The following FAT3 variants were observed in gnomAD, a reference collection of about 807,000 sequenced individuals.
FAT3 encodes the protein protocadherin Fat 3.
In FAT3, 95 loss-of-function variants were observed where a neutral mutation model predicts 310.2. That is an observed-to-expected ratio of 0.31 (90% CI 0.26 to 0.36). The LOEUF is 0.36. Among genes scored for constraint, FAT3 ranks in the 10% least tolerant of loss-of-function variants. The pLI, the probability that FAT3 is intolerant of heterozygous loss-of-function variation, is 1.00. For missense variants in FAT3, 5,408 were observed against 5,715.6 expected (o/e 0.95, Z 1.74); for synonymous variants, 2,314 against 2,192.9 (o/e 1.06, Z -1.54).
intron 1 of FAT3, among the ~76,000 whole-genome samples, chr11:92,232,596 G>A (rs1864229623): frequency 1.0e-5 from 1 of 96,676 alleles, no homozygotes; most frequent in Admixed American, 9.9e-5. Flanking sequence ...TTGACCATTT[G>A]TCATTTTGTG....
intron 2 of FAT3, among the ~76,000 whole-genome samples, chr11:92,399,427 C>T (rs1363706023): frequency 6.6e-6 from 1 of 152,140 alleles, no homozygotes. Context: ...CTTTTGTCCA[C>T]ATCTAATTTG....
intron 4 of FAT3, among the ~76,000 whole-genome samples, chr11:92,739,051 C>G (rs1406937308): frequency 6.6e-6 from 1 of 152,062 alleles, no homozygotes; most frequent in Non-Finnish European, 1.5e-5. Flanking sequence ...TCAAAAGCAC[C>G]AAGATAGAGC....
At chr11:92,558,659 C>T (rs1428746699) in intron 3 of FAT3, among the ~76,000 whole-genome samples, 2 of 152,040 alleles carry the variant, frequency 1.3e-5, no homozygotes, top group Non-Finnish European at 2.9e-5. Flanking sequence ...AATACAAGGA[C>T]AAAATTGTTT....
intron 2 of FAT3, among the ~76,000 whole-genome samples, chr11:92,417,791 G>A (rs561765421): frequency 2.6e-5 from 4 of 152,296 alleles, no homozygotes; most frequent in African/African-American, 9.6e-5. Context: ...AACACATTAA[G>A]TAATAGACCC....
In FAT3 at chr11:92,859,305, C is replaced by T; in HGVS notation, c.11641C>T (p.Pro3881Ser). ...NGIIMYTRANPCIILKIVDGK... is the reference protein window; with the variant it reads ...NGIIMYTRANSCIILKIVDGK... ...GATTATAATGTACACCAGAGCAAAT[C>T]CCTGCATAATTCTGAAGGTAATTAA... The change falls in exon 21 of 28, where the codon CCC becomes TCC. Residue 3881 changes from proline (P) to serine (S), a missense_variant. Pro to Ser is a moderately conservative substitution (Grantham distance 74). Transcript: ENST00000525166. 2 of 1,604,120 alleles carry T rather than the reference C, an allele frequency of 1.2e-6. No individual in the cohort carries two copies. Among genetic ancestry groups the T allele is most frequent in the Non-Finnish European group, 1.7e-6 (2 of 1,173,430 alleles).
chr11:92,279,386 C>G (rs2508586), intron 1 of FAT3, among the ~76,000 whole-genome samples: 94,184 of 151,970 alleles, frequency 0.62, 29,750 homozygotes, highest in African/African-American at 0.74. Context: ...GCTTAATATC[C>G]TTTGTATGTA....
chr11:92,599,932 T>C (rs1337605077), intron 3 of FAT3, among the ~76,000 whole-genome samples: 1 of 152,222 alleles, frequency 6.6e-6, no homozygotes, highest in Non-Finnish European at 1.5e-5. Context: ...CTGCAGGTTA[T>C]CATATAAAAG....
chr11:92,415,944 T>C (rs367717041), intron 2 of FAT3, among the ~76,000 whole-genome samples: 17 of 148,210 alleles, frequency 1.1e-4, no homozygotes, highest in African/African-American at 4.3e-4. Context: ...GACTTCATCC[T>C]TAGCCTCCCA....
intron 2 of FAT3, among the ~76,000 whole-genome samples, chr11:92,481,070 G>T (rs1304737325): frequency 2.0e-5 from 3 of 152,170 alleles, no homozygotes; most frequent in African/African-American, 7.2e-5. Flanking sequence ...TGAACTGATG[G>T]TCAGGAAGGC....
At chr11:92,739,055 A>G (rs1259050668) in intron 4 of FAT3, among the ~76,000 whole-genome samples, 1 of 152,166 alleles carries the variant, frequency 6.6e-6, no homozygotes, top group East Asian at 1.9e-4. Flanking sequence ...AAGCACCAAG[A>G]TAGAGCACTG....
intron 3 of FAT3, among the ~76,000 whole-genome samples, chr11:92,624,318 G>A (rs571938809): frequency 1.4e-4 from 21 of 152,252 alleles, no homozygotes; most frequent in Non-Finnish European, 1.9e-4. Flanking sequence ...GATGTCTGAC[G>A]GACTTAGGAA....
At chr11:92,529,246 A>G (rs1237275826) in intron 3 of FAT3, among the ~76,000 whole-genome samples, 1 of 152,232 alleles carries the variant, frequency 6.6e-6, no homozygotes, top group African/African-American at 2.4e-5. Context: ...ATAAGCTATG[A>G]ACAGTGTAAC....
chr11:92,520,497 T>TA (rs1440558374), intron 2 of FAT3, among the ~76,000 whole-genome samples: 1 of 152,050 alleles, frequency 6.6e-6, no homozygotes, highest in African/African-American at 2.4e-5. Context: ...CCTCAATTTT[T>TA]AAAAAAAGTA....
intron 1 of FAT3, among the ~76,000 whole-genome samples, chr11:92,244,672 AC>A (rs1864824201): frequency 6.6e-6 from 1 of 152,132 alleles, no homozygotes; most frequent in African/African-American, 2.4e-5. Flanking sequence ...ATTTGTTAAA[AC>A]ATAGATTCCT....
In FAT3 at chr11:92,416,219, CAAA is replaced by C. The variant is rs34393360; in HGVS notation, c.3292+60829_3292+60831del. Among the ~76,000 whole-genome samples, 181 of 131,312 alleles carry C rather than the reference CAAA, an allele frequency of 1.4e-3. 1 individual carries two copies. Among genetic ancestry groups the C allele is most frequent in the African/African-American group, 2.6e-3 (92 of 36,060 alleles). The allele number at this position is 131,312 out of a possible 152,430, so 86.1% of individuals were successfully genotyped here. On this transcript the variant is annotated intron_variant, in intron 2 of 27. Coordinates refer to ENST00000525166, the MANE Select transcript of FAT3 (RefSeq NM_001367949.2). ...TGAAACCCCATCTCTACTAAAGATA[CAAA>C]AAAAAAAAAAAAATAGCCAGGTGTG...
chr11:92,790,262 T>C (rs1947006407), intron 8 of FAT3, 44 bp downstream of exon 8: 1 of 1,595,700 alleles, frequency 6.3e-7, no homozygotes. Flanking sequence ...AACCACTGAC[T>C]GTTCAGGCCA....
chr11:92,644,611 C>T lies in FAT3; in HGVS notation c.3608-52773C>T, dbSNP rs140312793. On this transcript the variant is annotated intron_variant, in intron 3 of 27. Transcript: ENST00000525166. ...GAATTTTCTATTATGAGTTCACGGA[C>T]ACATGTGATTACGTCCCCTTTGCTT... Among the ~76,000 whole-genome samples, 6 of 152,300 alleles carry T rather than the reference C, an allele frequency of 3.9e-5. No individual in the cohort carries two copies. The East Asian group carries it at 1.2e-3, about 29-fold the overall frequency.
In FAT3 at chr11:92,748,099, C is replaced by G. The variant is rs567239510; in HGVS notation, c.3670-13757C>G. ...TTCATGCTGCTAATGAAGACATACT[C>G]AAGGCTGGGTAATTTATAAAGGAAA... is the stretch of plus-strand genomic sequence containing the variant. On this transcript the variant is annotated intron_variant, in intron 4 of 27. Coordinates refer to ENST00000525166, the MANE Select transcript of FAT3 (RefSeq NM_001367949.2). 2.0e-5 allele frequency among the ~76,000 whole-genome samples: 3 copies of G among 152,252 alleles called. No individual in the cohort carries two copies. The South Asian group carries it at 6.2e-4, about 32-fold the overall frequency.
At chr11:92,516,595 C>T (rs1375078293) in intron 2 of FAT3, among the ~76,000 whole-genome samples, 2 of 152,132 alleles carry the variant, frequency 1.3e-5, no homozygotes, top group East Asian at 3.9e-4. Flanking sequence ...AGGATGCCCT[C>T]TCTCACCACT....
Sources: gnomAD v4.1 joint callset for allele counts (sites outside exome capture counted in the v4.1 genomes callset) on GRCh38, gnomAD v4.1.1 for gene constraint, MANE v1.5 for transcripts, NCBI Gene and HGNC (gene_info 2026-07-23, HGNC 2026-07-21) for gene names.